The following EIF2D variants were observed in gnomAD, a reference collection of about 807,000 sequenced individuals.
EIF2D encodes eukaryotic translation initiation factor 2D, also known as hepatocellular carcinoma-associated antigen 56.
In EIF2D, 56 loss-of-function variants were observed where a neutral mutation model predicts 77.4. The observed-to-expected ratio is 0.72, with a 90% CI of 0.58 to 0.90. The LOEUF is 0.90. Ranked by LOEUF, EIF2D falls within the 40% of genes least tolerant of loss-of-function variation. The probability of loss-of-function intolerance (pLI) is 0.00; values close to 1 mark genes in which losing one functional copy is unlikely to be tolerated. For missense variants in EIF2D, 574 were observed against 706.5 expected, an observed-to-expected ratio of 0.81 and a Z score of 2.13; for synonymous variants, 230 against 271.0, an observed-to-expected ratio of 0.85 and a Z score of 1.49.
At chr1:206,603,312 AG>A (rs1670022878) in intron 5 of EIF2D, 108 bp from the exon 6 acceptor site, 1 of 1,437,194 alleles carries the variant, frequency 7.0e-7, no homozygotes, top group Non-Finnish European at 9.3e-7. Context: ...GCCAACAGGC[AG>A]GAGTGGCCAG....
intron 2 of EIF2D, among the ~76,000 whole-genome samples, chr1:206,582,029 G>A (rs1389410131): frequency 6.6e-6 from 1 of 152,138 alleles, no homozygotes; most frequent in Non-Finnish European, 1.5e-5. Flanking sequence ...TTTACCAAAG[G>A]AGAATCCTGA....
At chr1:206,602,743 A>C (rs6658181) in intron 6 of EIF2D, 1 of 759,082 alleles carries the variant, frequency 1.3e-6, no homozygotes. Context: ...ATGCCAGGGC[A>C]GATTAGCTCC....
Position 206,611,357 on chromosome 1 carries a change from T to C in EIF2D, c.74A>G (p.Asp25Gly). ...AAGGGTGGGGAAAGCAGTTGTCACATCAGCTCGAAGCTTTCTCCTGTGGAA... is the reference window on the plus strand; with the variant it reads ...AAGGGTGGGGAAAGCAGTTGTCACACCAGCTCGAAGCTTTCTCCTGTGGAA... ...KGSDRRKLRA[D>G]VTTAFPTLGT... Residue 25 changes from aspartate to glycine, a missense_variant, in exon 2 of 15, where the codon GAT becomes GGT. Transcript: ENST00000271764. 3 of 1,613,886 alleles carry C rather than the reference T, an allele frequency of 1.9e-6. No homozygotes were observed. The highest frequency in any genetic ancestry group is 2.5e-6 in the Non-Finnish European group (3 of 1,179,822).
At chr1:206,602,073 A>G (rs3813972) in intron 7 of EIF2D, 186,587 of 410,926 alleles carry the variant, frequency 0.45, 43,010 homozygotes, top group South Asian at 0.54. Flanking sequence ...CAGTGTTCAC[A>G]GAATCTCAGG....
At position 206,609,415 on chromosome 1, in the gene EIF2D, T is replaced by C. The variant is rs868981514; in HGVS notation, c.292A>G (p.Thr98Ala). ...AGTTTCTCGAGCACCAGAGGCCATG[T>C]TGTAAAGGTTGGCAGAAGATCAGGA... ...SYPDLLPTFT[T>A]WPLVLEKLVG... Residue 98 changes from threonine (T) to alanine (A), a missense_variant, in exon 3 of 15, where the codon ACA (threonine) becomes GCA (alanine). Thr to Ala is a moderately conservative substitution (Grantham distance 58). Coordinates refer to ENST00000271764, the MANE Select transcript of EIF2D (RefSeq NM_006893.3). 1.2e-6 allele frequency: 2 copies of C among 1,614,076 alleles called. No homozygotes were observed. The highest frequency in any genetic ancestry group is 2.2e-5 in the East Asian group (1 of 44,898).
Position 206,597,118 on chromosome 1 carries a change from C to G in EIF2D, c.1370G>C (p.Trp457Ser), listed in dbSNP as rs567680991. Residue 457 changes from tryptophan (W) to serine (S), a missense_variant, in exon 12 of 15, where the codon TGG (tryptophan) becomes TCG (serine). Coordinates refer to ENST00000271764, the MANE Select transcript of EIF2D (RefSeq NM_006893.3). ...TCGTTACCTGGTCAGAAGACTGTCC[C>G]ATGGAAGCTTCATGACTGTATGCTG... ...NEQHTVMKLP[W>S]DSLLTRCLEK... 6.2e-7 allele frequency: 1 copy of G among 1,613,968 alleles called. No individual in the cohort carries two copies. The highest frequency in any genetic ancestry group is 1.3e-5 in the African/African-American group (1 of 75,020).
intron 4 of EIF2D, among the ~76,000 whole-genome samples, chr1:206,576,680 A>G (rs879970958): frequency 6.6e-6 from 1 of 152,214 alleles, no homozygotes; most frequent in Non-Finnish European, 1.5e-5. Context: ...TATAGACTGG[A>G]GAAATTGCAT....
Position 206,599,923 on chromosome 1 carries a change from G to T in EIF2D, c.949-87C>A. ...AGGATGTGCCAGAGTGAGCTAGGCAGGGACTGTGCAGGGATATGAGACAGC... is the reference window on the plus strand; with the variant it reads ...AGGATGTGCCAGAGTGAGCTAGGCATGGACTGTGCAGGGATATGAGACAGC... On this transcript the variant is annotated intron_variant, in intron 8 of 14. Transcript: ENST00000271764. This position sits in a 1 kb window ranked among gnomAD's most constrained non-coding sequence, Gnocchi z 4.1. 7.5e-7 allele frequency: 1 copy of T among 1,329,392 alleles called. No homozygotes were observed. The highest frequency in any genetic ancestry group is 2.3e-5 in the East Asian group (1 of 43,130). The allele number at this position is 1,329,392 out of a possible 1,614,324, so 82.3% of individuals were successfully genotyped here.
downstream of EIF2D, among the ~76,000 whole-genome samples, chr1:206,591,119 G>A (rs183177204): frequency 2.6e-5 from 4 of 152,248 alleles, no homozygotes; most frequent in East Asian, 7.7e-4. Context: ...GGCTGAAGAG[G>A]GCATGTGTTG....
chr1:206,572,362 G>T (rs1553404352), intron 5 of EIF2D, among the ~76,000 whole-genome samples: 5 of 152,156 alleles, frequency 3.3e-5, no homozygotes, highest in African/African-American at 1.2e-4. Context: ...GCCTGGCCTT[G>T]GAGTGGCTGT....
intron 12 of EIF2D, among the ~76,000 whole-genome samples, chr1:206,596,322 C>T (rs1490140834): frequency 6.6e-6 from 1 of 152,224 alleles, no homozygotes; most frequent in Non-Finnish European, 1.5e-5. Context: ...TCAGGATCAA[C>T]AACTTTTTCT....
intron 2 of EIF2D, chr1:206,583,400 A>C: frequency 6.5e-7 from 1 of 1,534,490 alleles, no homozygotes; most frequent in Non-Finnish European, 9.0e-7. Context: ...GTCCACCCTC[A>C]ACCTGGCCCC....
Position 206,593,663 on chromosome 1 carries a change from T to G in EIF2D, c.1640A>C (p.Gln547Pro). The part of the protein sequence containing the change: ...APGAKDSLQV[Q>P]IQGNQVHHLG... ...GTGGTGGACCTGGTTTCCCTGGATC[T>G]GCACCTGAAGGCTGTCCTTGGCCCC... is the stretch of plus-strand genomic sequence containing the variant. Residue 547 changes from glutamine (Q) to proline (P), a missense_variant, in exon 14 of 15, where the codon CAG becomes CCG. Transcript: ENST00000271764. The G allele has an allele frequency of 6.2e-7, 1 of 1,613,744 alleles. No individual in the cohort carries two copies. The highest frequency in any genetic ancestry group is 8.5e-7 in the Non-Finnish European group (1 of 1,179,742).
chr1:206,612,234 CCCA>C, intron 1 of EIF2D, 50 bp downstream of exon 1: 1 of 1,611,606 alleles, frequency 6.2e-7, no homozygotes, highest in Non-Finnish European at 8.5e-7. Flanking sequence ...GCCAGCGGGG[CCCA>C]AGAGGTGTCT....
At chr1:206,593,506 A>AGTGTGTGTGTGCGTGTGT (rs1286437460) in intron 14 of EIF2D, 113 bp downstream of exon 14, 32,479 of 435,190 alleles carry the variant, frequency 0.075, 1,539 homozygotes, top group Middle Eastern at 0.1. Context: ...AGAGAGAGAG[A>AGTGTGTGTGTGCGTGTGT]GAGTGTGTGT....
intron 2 of EIF2D, chr1:206,583,160 G>T: frequency 1.4e-6 from 1 of 733,918 alleles, no homozygotes; most frequent in Non-Finnish European, 2.5e-6. Flanking sequence ...CACTCTGCAG[G>T]GCTGGATGCT....
At chr1:206,597,019 G>A in intron 12 of EIF2D, 81 bp downstream of exon 12, 1 of 1,027,720 alleles carries the variant, frequency 9.7e-7, no homozygotes, top group Non-Finnish European at 1.5e-6. Flanking sequence ...GGCTAAGATA[G>A]TGACAGTATT....
At position 206,599,098 on chromosome 1, in the gene EIF2D, TGAG is replaced by T; in HGVS notation, c.1203-9_1203-7del. 1.2e-6 allele frequency: 2 copies of T among 1,613,686 alleles called. No individual in the cohort carries two copies. Among genetic ancestry groups the T allele is most frequent in the East Asian group, 2.2e-5 (1 of 44,878 alleles). On this transcript the variant is annotated splice_polypyrimidine_tract_variant and splice_region_variant and intron_variant, in intron 10 of 14. Coordinates refer to ENST00000271764, the MANE Select transcript of EIF2D (RefSeq NM_006893.3). This position sits in a 1 kb window ranked among gnomAD's most constrained non-coding sequence, Gnocchi z 4.1. ...CCTCCAGAAAGCTCCCCTTCCTAGG[TGAG>T]GAGAAGTGACCCAGGGGTTAGTTCA...
At chr1:206,572,925 T>C (rs1454987158) in intron 4 of EIF2D, among the ~76,000 whole-genome samples, 1 of 152,154 alleles carries the variant, frequency 6.6e-6, no homozygotes, top group African/African-American at 2.4e-5. Context: ...CAAGGTCCCA[T>C]ATTGGGTCCC....
Sources: gnomAD v4.1 joint callset for allele counts (sites outside exome capture counted in the v4.1 genomes callset) on GRCh38, gnomAD v4.1.1 for gene constraint, Gnocchi (gnomAD v3.1) non-coding constraint, MANE v1.5 for transcripts, NCBI Gene and HGNC (gene_info 2026-07-23, HGNC 2026-07-21) for gene names.